ARID4B: variants seen among roughly 807,000 people sequenced by gnomAD.
ARID4B encodes the protein AT-rich interaction domain 4B, also known as AT-rich interactive domain-containing protein 4B.
ARID4B carries 26 observed loss-of-function variants against 147.5 expected under a neutral mutation model. That is an observed-to-expected ratio of 0.18 (90% CI 0.13 to 0.24). The LOEUF is 0.24. Among genes scored for constraint, ARID4B ranks in the 10% least tolerant of loss-of-function variants. The pLI is 1.00. For missense variants in ARID4B, 1,179 were observed against 1,511.5 expected (o/e 0.78, Z 3.65); for synonymous variants, 512 against 507.9 (o/e 1.01, Z -0.11).
chr1:235,253,644 GTA>G (rs1358418925), intron 5 of ARID4B, among the ~76,000 whole-genome samples: 1 of 151,984 alleles, frequency 6.6e-6, no homozygotes, highest in East Asian at 1.9e-4. Flanking sequence ...TAAAAATAAA[GTA>G]CTTAAAGCAC....
Position 235,182,224 on chromosome 1 carries a change from A to C in ARID4B, c.2695T>G (p.Ser899Ala). ...LRTTGFYSGF[S>A]EVAEKRIKLL... ...TTAATCCTTTTTTCTGCCACTTCTG[A>C]AAATCCTGAATAGAAACCAGTTGTC... The change falls in exon 20 of 24, where the codon TCA becomes GCA. Residue 899 changes from serine to alanine, a missense_variant. By Grantham distance (99) the Ser-to-Ala change is moderately conservative. This residue lies in a region of ARID4B where 321 missense variants were observed against 342.4 expected (regional missense o/e 0.94). Transcript: ENST00000264183. 6.2e-7 allele frequency: 1 copy of C among 1,613,464 alleles called. No homozygotes were observed. The highest frequency in any genetic ancestry group is 8.5e-7 in the Non-Finnish European group (1 of 1,179,894).
intron 9 of ARID4B, among the ~76,000 whole-genome samples, chr1:235,232,093 C>T (rs1241606705): frequency 6.6e-6 from 1 of 152,026 alleles, no homozygotes; most frequent in East Asian, 1.9e-4. Context: ...TGCACTCTAG[C>T]GTAGGCAACA....
At chr1:235,172,594 T>A (rs916906198) in intron 23 of ARID4B, 24 bp downstream of exon 23, 3 of 1,444,714 alleles carry the variant, frequency 2.1e-6, no homozygotes, top group African/African-American at 2.9e-5. Context: ...AATAAATAAA[T>A]AAAAATAAAG....
At chr1:235,242,091 T>C (rs372590050) in intron 7 of ARID4B, among the ~76,000 whole-genome samples, 139 of 151,820 alleles carry the variant, frequency 9.2e-4, no homozygotes, top group African/African-American at 3.1e-3. Flanking sequence ...CTACTAAAAA[T>C]ACAAAAATTA....
intron 2 of ARID4B, among the ~76,000 whole-genome samples, chr1:235,301,038 C>CCTTTTTTTTTTTTTTTTTTTTTTA: frequency 8.9e-6 from 1 of 112,284 alleles, no homozygotes; most frequent in African/African-American, 3.7e-5. Flanking sequence ...TTTAAGTATT[C>CCTTTTTTTTTTTTTTTTTTTTTTA]TTTTTTTTTT....
chr1:235,260,518 G>T, intron 3 of ARID4B, 124 bp downstream of exon 3: 3 of 581,898 alleles, frequency 5.2e-6, no homozygotes, highest in South Asian at 2.8e-5. Flanking sequence ...TTTGTTTTGA[G>T]GTATTTTTAC....
At chr1:235,222,950 T>C (rs1206348188) in intron 13 of ARID4B, among the ~76,000 whole-genome samples, 1 of 152,112 alleles carries the variant, frequency 6.6e-6, no homozygotes, top group Non-Finnish European at 1.5e-5. Context: ...CCCAAAGTGT[T>C]GGGGTTGCAG....
At chr1:235,307,405 G>C (rs1251355852) in intron 2 of ARID4B, among the ~76,000 whole-genome samples, 1 of 152,202 alleles carries the variant, frequency 6.6e-6, no homozygotes, top group African/African-American at 2.4e-5. Context: ...TGATCACACC[G>C]CTAAATTCCA....
intron 23 of ARID4B, among the ~76,000 whole-genome samples, chr1:235,171,112 T>C (rs1374284693): frequency 1.3e-5 from 2 of 152,178 alleles, no homozygotes; most frequent in African/African-American, 4.8e-5. Context: ...GCATTGGTTT[T>C]AGTTTTAATT....
intron 17 of ARID4B, among the ~76,000 whole-genome samples, chr1:235,207,735 A>C (rs1340953322): frequency 1.3e-5 from 2 of 152,192 alleles, no homozygotes; most frequent in African/African-American, 4.8e-5. Context: ...GTGTGATAAA[A>C]AGCAACTGAA....
intron 19 of ARID4B, among the ~76,000 whole-genome samples, chr1:235,187,514 G>A (rs1284551869): frequency 3.9e-5 from 6 of 152,252 alleles, no homozygotes; most frequent in Non-Finnish European, 1.5e-5. Flanking sequence ...GATTCATCCC[G>A]GATCTAGTTT....
At chr1:235,327,008 A>G in intron 1 of ARID4B, 40 bp from the exon 2 acceptor site, 2 of 1,399,958 alleles carry the variant, frequency 1.4e-6, no homozygotes, top group Non-Finnish European at 1.0e-6. Context: ...ACACCACAGG[A>G]GCCCCTCTGC....
rs749621099 is a variant in ARID4B, at chr1:235,181,770, G to A, written c.3149C>T (p.Pro1050Leu). ...RQQSSVTVSE[P>L]LAPNQEEVRS... ...AACCTCTTCTTGGTTTGGAGCCAGTGGTTCTGATACTGTTACAGAAGACTG... is the reference window on the plus strand; with the variant it reads ...AACCTCTTCTTGGTTTGGAGCCAGTAGTTCTGATACTGTTACAGAAGACTG... Residue 1050 changes from proline (P) to leucine (L), a missense_variant, in exon 20 of 24, where the codon CCA becomes CTA. Pro to Leu is a moderately conservative substitution (Grantham distance 98). This residue lies in a region of ARID4B where 357 missense variants were observed against 427.3 expected (regional missense o/e 0.84). Transcript: ENST00000264183. The A allele has an allele frequency of 1.9e-6, 3 of 1,614,118 alleles. No individual in the cohort carries two copies. Among genetic ancestry groups the A allele is most frequent in the Non-Finnish European group, 2.5e-6 (3 of 1,180,018 alleles).
rs768600040 is a variant in ARID4B at position 235,221,886 on chromosome 1, ATTTTTTTTTTTTTTTT to A, written c.1066-240_1066-225del. ...TGTTGAAATATTAAGTCATTTGACT[ATTTTTTTTTTTTTTTT>A]TTTTTTTTTTTTTTTTTTGGAGACA... On this transcript the variant is annotated intron_variant, in intron 13 of 23. Transcript: ENST00000264183. Among the ~76,000 whole-genome samples the A allele has an allele frequency of 3.1e-3, 165 of 53,680 alleles. 1 individual carries two copies. Among genetic ancestry groups the A allele is most frequent in the African/African-American group, 0.011 (124 of 11,576 alleles). The allele number at this position is 53,680 out of a possible 152,430, so 35.2% of individuals were successfully genotyped here. A position where few individuals can be genotyped will look rare whatever the true frequency, so the allele number is the denominator to read the frequency against.
intron 21 of ARID4B, 130 bp downstream of exon 21, chr1:235,177,670 G>T: frequency 1.8e-6 from 1 of 545,850 alleles, no homozygotes; most frequent in Non-Finnish European, 3.1e-6. Context: ...GAATTTGTGT[G>T]ACTTTTTTTG....
intron 17 of ARID4B, among the ~76,000 whole-genome samples, chr1:235,199,217 A>G (rs1665712384): frequency 1.3e-5 from 2 of 152,222 alleles, no homozygotes; most frequent in Non-Finnish European, 2.9e-5. Context: ...TAATAATATT[A>G]CATTATATTT....
chr1:235,244,242 T>G (rs1669161192), intron 7 of ARID4B, among the ~76,000 whole-genome samples: 1 of 152,170 alleles, frequency 6.6e-6, no homozygotes, highest in Non-Finnish European at 1.5e-5. Context: ...TTATCTTTTT[T>G]CTGAAGGGGA....
At chr1:235,198,102 T>C (rs1420326222) in intron 17 of ARID4B, among the ~76,000 whole-genome samples, 2 of 152,184 alleles carry the variant, frequency 1.3e-5, no homozygotes, top group Admixed American at 1.3e-4. Context: ...AAACAAGCTT[T>C]CTAATTTTTT....
At chr1:235,327,537 C>T (rs1377923868) in intron 1 of ARID4B, 1 of 152,248 alleles carries the variant, frequency 6.6e-6, no homozygotes, top group African/African-American at 2.4e-5. Context: ...CGGCCCCCAC[C>T]CTGCCCGGGC....
Sources: gnomAD v4.1 joint callset for allele counts (sites outside exome capture counted in the v4.1 genomes callset) on GRCh38, gnomAD v4.1.1 for gene constraint, gnomAD v4.1.1 regional missense constraint, MANE v1.5 for transcripts, NCBI Gene and HGNC (gene_info 2026-07-23, HGNC 2026-07-21) for gene names.